The following NAV3 variants were observed in gnomAD, a reference collection of about 807,000 sequenced individuals.
NAV3 encodes neuron navigator 3, also known as pore membrane and/or filament interacting like protein 1.
Under a neutral mutation model 244.7 loss-of-function variants are expected in NAV3, and 87 were observed. That is an observed-to-expected ratio of 0.36 (90% CI 0.30 to 0.42). NAV3 has a LOEUF of 0.42. Among genes scored for constraint, NAV3 ranks in the 20% least tolerant of loss-of-function variants. NAV3 has a pLI of 1.00. For synonymous variants in NAV3, 1,126 were observed against 1,042.2 expected (o/e 1.08, Z -1.55); for missense variants, 2,663 against 2,893.3 (o/e 0.92, Z 1.83).
chr12:77,596,701 A>G (rs1315932087), intron 2 of NAV3, among the ~76,000 whole-genome samples: 1 of 152,168 alleles, frequency 6.6e-6, no homozygotes, highest in Non-Finnish European at 1.5e-5. Context: ...CAGAGTAATC[A>G]ATTAAATGAA....
chr12:78,147,038 A>G (rs1205289668), intron 21 of NAV3, among the ~76,000 whole-genome samples: 1 of 152,060 alleles, frequency 6.6e-6, no homozygotes, highest in Non-Finnish European at 1.5e-5. Flanking sequence ...TGGCTGTTTG[A>G]TTGGTTTACA....
At chr12:77,665,038 T>C (rs1873653646) in intron 2 of NAV3, among the ~76,000 whole-genome samples, 1 of 152,174 alleles carries the variant, frequency 6.6e-6, no homozygotes, top group African/African-American at 2.4e-5. Context: ...TGGCTAAAAA[T>C]AAATATTGAT....
intron 1 of NAV3, among the ~76,000 whole-genome samples, chr12:77,931,936 C>T (rs535141874): frequency 9.2e-5 from 14 of 151,926 alleles, no homozygotes; most frequent in African/African-American, 3.1e-4. Context: ...GTGTGTGATG[C>T]ACATAGTTGT....
At chr12:77,684,879 T>C (rs1416162701) in intron 2 of NAV3, among the ~76,000 whole-genome samples, 1 of 152,130 alleles carries the variant, frequency 6.6e-6, no homozygotes, top group African/African-American at 2.4e-5. Context: ...CATACAGATA[T>C]ATATTTAACC....
intron 1 of NAV3, among the ~76,000 whole-genome samples, chr12:77,879,903 C>A (rs747957345): frequency 6.6e-6 from 1 of 152,046 alleles, no homozygotes; most frequent in Non-Finnish European, 1.5e-5. Flanking sequence ...TAGAGATGTG[C>A]GTTCAAATGC....
chr12:77,642,938 A>G lies in NAV3; in HGVS notation c.72+70672A>G, dbSNP rs565875282. ...TCGCAATCAGCTTTGACCCAACAGGATAGGATTTTCATAAATCTTTTATAA... is the reference window on the plus strand; with the variant it reads ...TCGCAATCAGCTTTGACCCAACAGGGTAGGATTTTCATAAATCTTTTATAA... On this transcript the variant is annotated intron_variant, in intron 2 of 8. Transcript: ENST00000550042. Among the ~76,000 whole-genome samples, 158 of 152,176 alleles carry G rather than the reference A, an allele frequency of 1.0e-3. 1 individual carries two copies. The highest frequency in any genetic ancestry group is 3.7e-3 in the African/African-American group (155 of 41,560).
intron 1 of NAV3, among the ~76,000 whole-genome samples, chr12:77,887,844 C>T (rs1026599981): frequency 7.9e-5 from 12 of 152,018 alleles, no homozygotes; most frequent in Non-Finnish European, 1.8e-4. Context: ...AGATATGAAA[C>T]ATTATCCAAC....
At chr12:77,911,921 C>T (rs1431630879) in intron 1 of NAV3, among the ~76,000 whole-genome samples, 1 of 152,182 alleles carries the variant, frequency 6.6e-6, no homozygotes, top group East Asian at 1.9e-4. Flanking sequence ...TCTTTATTAT[C>T]AAACAGTTCT....
chr12:77,976,029 G>A (rs778231554), intron 5 of NAV3, among the ~76,000 whole-genome samples: 44 of 152,112 alleles, frequency 2.9e-4, no homozygotes. Flanking sequence ...TAAACAGAAA[G>A]GAAACTCTAG....
At chr12:77,766,304 A>G (rs1869748538) in intron 2 of NAV3, among the ~76,000 whole-genome samples, 1 of 152,182 alleles carries the variant, frequency 6.6e-6, no homozygotes, top group Non-Finnish European at 1.5e-5. Flanking sequence ...ACACATGAAC[A>G]CCACCTTTTT....
rs902018245 is a variant in NAV3, at chr12:77,901,491, C to T, written c.244-38828C>T. On this transcript the variant is annotated intron_variant, in intron 1 of 39. Transcript: ENST00000397909. ...TTGAGAGGCTGAGGCGGGTGGATCA[C>T]CTGAGGTTACGAGTTTGAGACCAGC... Among the ~76,000 whole-genome samples, 5 of 152,050 alleles carry T rather than the reference C, an allele frequency of 3.3e-5. No homozygotes were observed. The East Asian group carries it at 9.7e-4, about 29-fold the overall frequency.
intron 1 of NAV3, among the ~76,000 whole-genome samples, chr12:77,845,851 C>G (rs1876547197): frequency 6.6e-6 from 1 of 152,004 alleles, no homozygotes; most frequent in South Asian, 2.1e-4. Context: ...CGGGGTGTCT[C>G]CATGTTGCTC....
chr12:78,205,402 A>G (rs1960191691), intron 39 of NAV3, among the ~76,000 whole-genome samples: 1 of 152,024 alleles, frequency 6.6e-6, no homozygotes, highest in Admixed American at 6.6e-5. Flanking sequence ...TAAATTGTGT[A>G]TATAATTAAA....
At chr12:78,016,621 T>C (rs566641055) in intron 8 of NAV3, among the ~76,000 whole-genome samples, 1 of 152,324 alleles carries the variant, frequency 6.6e-6, no homozygotes, top group African/African-American at 2.4e-5. Flanking sequence ...TTGAAAGATA[T>C]GTGCTTTTCT....
chr12:78,188,189 G>A (rs1188765817), intron 31 of NAV3, 59 bp from the exon 32 acceptor site: 1 of 1,230,024 alleles, frequency 8.1e-7, no homozygotes, highest in Non-Finnish European at 1.2e-6. Flanking sequence ...AGTAGAAAAT[G>A]TAGTAATAAA....
intron 1 of NAV3, among the ~76,000 whole-genome samples, chr12:77,846,808 T>A (rs1876713923): frequency 6.6e-6 from 1 of 152,182 alleles, no homozygotes; most frequent in African/African-American, 2.4e-5. Context: ...CAAAGGAGAA[T>A]GATTTTTTTT....
At chr12:77,752,548 G>T (rs888723825) in intron 2 of NAV3, among the ~76,000 whole-genome samples, 1 of 152,224 alleles carries the variant, frequency 6.6e-6, no homozygotes, top group South Asian at 2.1e-4. Context: ...CTAGTCTCAA[G>T]TCCAATGGCT....
chr12:78,065,204 C>T (rs1411944644), intron 12 of NAV3, among the ~76,000 whole-genome samples: 1 of 151,778 alleles, frequency 6.6e-6, no homozygotes, highest in Non-Finnish European at 1.5e-5. Context: ...GAGAAGCCTG[C>T]CCAGCAGGTG....
chr12:77,655,333 A>C (rs370567095), intron 2 of NAV3, among the ~76,000 whole-genome samples: 1 of 152,226 alleles, frequency 6.6e-6, no homozygotes, highest in African/African-American at 2.4e-5. Flanking sequence ...AGCCGATGCA[A>C]TCAACTGGAA....
Sources: allele counts gnomAD v4.1 joint callset (sites outside exome capture counted in the v4.1 genomes callset), GRCh38; gene constraint gnomAD v4.1.1; transcripts MANE v1.5; gene names NCBI Gene and HGNC (gene_info 2026-07-23, HGNC 2026-07-21).